The following ADAM10 variants were observed in gnomAD, a reference collection of about 807,000 sequenced individuals.
ADAM10 encodes disintegrin and metalloproteinase domain-containing protein 10.
Under a neutral mutation model 90.1 loss-of-function variants are expected in ADAM10, and 17 were observed. The observed-to-expected ratio is 0.19, with a 90% CI of 0.13 to 0.28. ADAM10 has a LOEUF of 0.28. ADAM10 is among the 10% of genes least tolerant of loss of function. The pLI is 1.00. For missense variants in ADAM10, 610 were observed against 914.3 expected (o/e 0.67, Z 4.29); for synonymous variants, 310 against 298.6 (o/e 1.04, Z -0.40).
chr15:58,654,551 A>AC (rs1896763807), intron 5 of ADAM10, among the ~76,000 whole-genome samples: 1 of 151,948 alleles, frequency 6.6e-6, no homozygotes, highest in Non-Finnish European at 1.5e-5. Context: ...GCTAATTTTT[A>AC]AACTGTTTGC....
intron 14 of ADAM10, among the ~76,000 whole-genome samples, chr15:58,600,051 G>C (rs1895066993): frequency 6.6e-6 from 1 of 152,048 alleles, no homozygotes; most frequent in African/African-American, 2.4e-5. Flanking sequence ...CTTGCATATA[G>C]TTATATTGCA....
At chr15:58,729,540 A>G (rs1022300301) in intron 1 of ADAM10, among the ~76,000 whole-genome samples, 1 of 152,222 alleles carries the variant, frequency 6.6e-6, no homozygotes, top group Admixed American at 6.5e-5. Flanking sequence ...AAGTTTGAGA[A>G]GCACTGTAAC....
intron 1 of ADAM10, among the ~76,000 whole-genome samples, chr15:58,740,400 C>G (rs1317290745): frequency 6.9e-6 from 1 of 145,602 alleles, no homozygotes; most frequent in African/African-American, 2.7e-5. Context: ...CAGCGCGAGA[C>G]TCTGTCTCTA....
At chr15:58,640,602 C>T (rs1220587536) in intron 8 of ADAM10, among the ~76,000 whole-genome samples, 175 bp downstream of exon 8, 3 of 152,116 alleles carry the variant, frequency 2.0e-5, no homozygotes, top group Non-Finnish European at 2.9e-5. Flanking sequence ...ATAAAAAGCT[C>T]CTTCATCTAT....
At chr15:58,658,598 A>G (rs759371774) in intron 5 of ADAM10, among the ~76,000 whole-genome samples, 2 of 152,208 alleles carry the variant, frequency 1.3e-5, no homozygotes, top group African/African-American at 2.4e-5. Flanking sequence ...GAGAACTGAC[A>G]TATTAACATT....
intron 1 of ADAM10, among the ~76,000 whole-genome samples, chr15:58,719,761 C>CA (rs1462232201): frequency 6.6e-6 from 1 of 152,130 alleles, no homozygotes; most frequent in African/African-American, 2.4e-5. Context: ...CCACTACCTT[C>CA]AATCATTAGT....
intron 3 of ADAM10, among the ~76,000 whole-genome samples, 160 bp from the exon 4 acceptor site, chr15:58,679,442 T>TCA (rs1897369859): frequency 6.6e-6 from 1 of 152,144 alleles, no homozygotes; most frequent in East Asian, 1.9e-4. Flanking sequence ...ATGGAAATTT[T>TCA]CACATAAAAT....
intron 1 of ADAM10, among the ~76,000 whole-genome samples, chr15:58,727,176 CTTTTT>C (rs779017607): frequency 2.6e-5 from 2 of 78,018 alleles, no homozygotes; most frequent in African/African-American, 1.1e-4. Context: ...CCTGACTAAT[CTTTTT>C]TTTTTTTTTT....
chr15:58,717,752 A>C, intron 1 of ADAM10, 25 bp from the exon 2 acceptor site: 1 of 1,602,888 alleles, frequency 6.2e-7, no homozygotes, highest in South Asian at 1.1e-5. Flanking sequence ...CAACATTCTG[A>C]ATTAGTATCA....
At chr15:58,663,146 A>G (rs1365494115) in intron 5 of ADAM10, among the ~76,000 whole-genome samples, 2 of 152,264 alleles carry the variant, frequency 1.3e-5, no homozygotes, top group African/African-American at 4.8e-5. Flanking sequence ...AGGGAAATCT[A>G]CAAGTTTCAA....
intron 2 of ADAM10, among the ~76,000 whole-genome samples, chr15:58,717,276 A>G (rs1218393716): frequency 6.6e-6 from 1 of 152,226 alleles, no homozygotes; most frequent in Non-Finnish European, 1.5e-5. Flanking sequence ...ACCATAAAAC[A>G]TATAAAAAGT....
intron 3 of ADAM10, among the ~76,000 whole-genome samples, chr15:58,680,484 T>A (rs1897404026): frequency 6.6e-6 from 1 of 152,194 alleles, no homozygotes; most frequent in African/African-American, 2.4e-5. Flanking sequence ...AACAAAAGTA[T>A]ACCAACAGTA....
intron 2 of ADAM10, among the ~76,000 whole-genome samples, chr15:58,715,096 G>A (rs1040910505): frequency 6.6e-6 from 1 of 152,154 alleles, no homozygotes; most frequent in South Asian, 2.1e-4. Flanking sequence ...CAGTAAGTTT[G>A]TATAGTTAAT....
At chr15:58,644,513 GCCA>G (rs1349687132) in intron 6 of ADAM10, among the ~76,000 whole-genome samples, 1 of 152,172 alleles carries the variant, frequency 6.6e-6, no homozygotes, top group East Asian at 1.9e-4. Context: ...ACAGGCATGA[GCCA>G]CCACAACTGG....
intron 1 of ADAM10, among the ~76,000 whole-genome samples, chr15:58,721,713 CT>C (rs1158454262): frequency 6.6e-5 from 10 of 151,958 alleles, no homozygotes; most frequent in Non-Finnish European, 1.5e-4. Context: ...AGAAAGGCCC[CT>C]GTCTCTACAA....
At chr15:58,621,749 T>C in intron 10 of ADAM10, 128 bp from the exon 11 acceptor site, 1 of 1,188,188 alleles carries the variant, frequency 8.4e-7, no homozygotes, top group South Asian at 1.3e-5. Context: ...TAGAACAAAC[T>C]AGGAATCTGG....
chr15:58,706,805 T>C (rs1898304386), intron 2 of ADAM10, among the ~76,000 whole-genome samples: 1 of 151,830 alleles, frequency 6.6e-6, no homozygotes, highest in Non-Finnish European at 1.5e-5. Flanking sequence ...GGTCAAGAGT[T>C]TGAGACCAGC....
Position 58,682,227 on chromosome 15 carries a change from A to G in ADAM10, c.294T>C (p.Asp98=). ...VETSNKVLDY[D]TSHIYTGHIY... is the part of the protein sequence containing the mutation. Reference sequence around the variant, plus strand: ...TATGTCCAGTGTAAATATGAGAGGTATCATAATCAAGTACTTTATTTGATG... The same window carrying G: ...TATGTCCAGTGTAAATATGAGAGGTGTCATAATCAAGTACTTTATTTGATG... The change falls in exon 3 of 16, where the codon GAT becomes GAC. Residue 98 remains aspartate, a synonymous_variant. Coordinates refer to ENST00000260408, the MANE Select transcript of ADAM10 (RefSeq NM_001110.4). 2 of 1,613,062 alleles carry G rather than the reference A, an allele frequency of 1.2e-6. No individual in the cohort carries two copies. Among genetic ancestry groups the G allele is most frequent in the South Asian group, 2.2e-5 (2 of 91,028 alleles).
chr15:58,655,696 G>GTATATATATATATAGTATATATATA (rs1316694469), intron 5 of ADAM10, among the ~76,000 whole-genome samples: 51 of 68,204 alleles, frequency 7.5e-4, no homozygotes, highest in Non-Finnish European at 9.5e-4. Flanking sequence ...ATTATATATA[G>GTATATATATATATAGTATATATATA]TATATATATA....
Sources: gnomAD v4.1 joint callset for allele counts (sites outside exome capture counted in the v4.1 genomes callset) on GRCh38, gnomAD v4.1.1 for gene constraint, MANE v1.5 for transcripts, NCBI Gene and HGNC (gene_info 2026-07-23, HGNC 2026-07-21) for gene names.